Variants in TP53BP2 observed in about 807,000 individuals in gnomAD.
TP53BP2 encodes the protein tumor protein p53 binding protein 2.
TP53BP2 carries 62 observed loss-of-function variants against 126.2 expected under a neutral mutation model. The observed-to-expected ratio is 0.49, with a 90% confidence interval of 0.40 to 0.61. The LOEUF is 0.61. TP53BP2 is among the 20% of genes least tolerant of loss of function. The pLI is 0.00. For synonymous variants in TP53BP2, 485 were observed against 502.9 expected, an observed-to-expected ratio of 0.96 and a Z score of 0.48; for missense variants, 1,215 against 1,402.8, an observed-to-expected ratio of 0.87 and a Z score of 2.14.
intron 2 of TP53BP2, among the ~76,000 whole-genome samples, chr1:223,820,212 G>A (rs1199005716): frequency 1.3e-5 from 2 of 152,194 alleles, no homozygotes; most frequent in African/African-American, 2.4e-5. Context: ...TAGCATATTC[G>A]AGAAATATTT....
chr1:223,835,512 T>A (rs957621037), intron 1 of TP53BP2, among the ~76,000 whole-genome samples: 4 of 152,230 alleles, frequency 2.6e-5, no homozygotes, highest in Non-Finnish European at 5.9e-5. Flanking sequence ...GTAAAGGTAC[T>A]GTTACAGATT....
Position 223,796,033 on chromosome 1 carries a change from G to A in TP53BP2, c.2506C>T (p.Leu836Phe), listed in dbSNP as rs756075899. The change falls in exon 13 of 18, where the codon CTT becomes TTT. Residue 836 changes from leucine (L) to phenylalanine (F), a missense_variant. Physicochemically the swap from Leu to Phe is conservative, Grantham distance 22. This residue lies in a region of TP53BP2 where 204 missense variants were observed against 225.7 expected (regional missense o/e 0.90). Coordinates refer to ENST00000343537, the MANE Select transcript of TP53BP2 (RefSeq NM_001031685.3). This position sits in a 1 kb window ranked among gnomAD's most constrained non-coding sequence, Gnocchi z 4.2. Reference protein sequence around the residue: ...NSDMPAPSPGLDYEPEGVPDN... With the variant: ...NSDMPAPSPGFDYEPEGVPDN... ...GGGACTCCCTCAGGCTCATAATCAA[G>A]GCCTGGAGAAGGAGCTGGCATGTCA... 3.5e-5 allele frequency: 57 copies of A among 1,613,976 alleles called. 1 individual carries two copies. In the South Asian group the frequency reaches 5.6e-4, roughly 16 times the overall value.
intron 15 of TP53BP2, among the ~76,000 whole-genome samples, chr1:223,789,539 C>T (rs1662081839): frequency 6.6e-6 from 1 of 152,184 alleles, no homozygotes; most frequent in East Asian, 1.9e-4. Context: ...AGAGTAGAAG[C>T]CCTAACAGTC....
intron 6 of TP53BP2, 51 bp downstream of exon 6, chr1:223,804,123 A>T: frequency 6.4e-7 from 1 of 1,565,520 alleles, no homozygotes; most frequent in Non-Finnish European, 8.6e-7. Context: ...TGTCTCAAAA[A>T]AACCAGACAA....
intron 13 of TP53BP2, among the ~76,000 whole-genome samples, chr1:223,794,527 C>G (rs931718096): frequency 1.3e-5 from 2 of 152,168 alleles, no homozygotes; most frequent in Non-Finnish European, 2.9e-5. Context: ...AGGAAGAGAA[C>G]AGCAGAATCT....
intron 16 of TP53BP2, among the ~76,000 whole-genome samples, chr1:223,785,205 G>T (rs992764805): frequency 6.6e-6 from 1 of 152,158 alleles, no homozygotes; most frequent in African/African-American, 2.4e-5. Flanking sequence ...GAAAATACTT[G>T]CTAGCTTTTG....
rs1663727672 is a variant in TP53BP2, at chr1:223,831,483, ATATATATATATATATATATAT to A, written c.28-10137_28-10117del. ...GTACCATCTAAAAAAAAAAAAAAAT[ATATATATATATATATATATAT>A]ATATATATATATACTGACCTGTATG... is the stretch of plus-strand genomic sequence containing the variant. On this transcript the variant is annotated intron_variant, in intron 1 of 17. Coordinates refer to ENST00000343537, the MANE Select transcript of TP53BP2 (RefSeq NM_001031685.3). 1.3e-4 allele frequency among the ~76,000 whole-genome samples: 4 copies of A among 31,352 alleles called. No homozygotes were observed. The East Asian group carries it at 4.0e-3, about 31-fold the overall frequency. 20.6% of individuals were successfully genotyped at this position (31,352 alleles called of 152,430 possible).
chr1:223,790,843 TG>T (rs1398699418), intron 15 of TP53BP2, among the ~76,000 whole-genome samples: 1 of 152,088 alleles, frequency 6.6e-6, no homozygotes, highest in Non-Finnish European at 1.5e-5. Context: ...TGGGCTCAAG[TG>T]ATCTTCTGCT....
At chr1:223,791,483 G>C (rs1359165518) in intron 15 of TP53BP2, among the ~76,000 whole-genome samples, 2 of 152,080 alleles carry the variant, frequency 1.3e-5, no homozygotes, top group African/African-American at 2.4e-5. Flanking sequence ...ACAAAAGTTG[G>C]AAAACAATCT....
intron 3 of TP53BP2, among the ~76,000 whole-genome samples, chr1:223,812,339 G>T (rs373393068): frequency 6.6e-6 from 1 of 152,120 alleles, no homozygotes; most frequent in African/African-American, 2.4e-5. Context: ...TAATGGTCAG[G>T]TACCATATAG....
chr1:223,802,385 C>T (rs1662559309), intron 8 of TP53BP2, 41 bp from the exon 9 acceptor site: 1 of 1,557,984 alleles, frequency 6.4e-7, no homozygotes, highest in Non-Finnish European at 8.7e-7. Context: ...TAAAAATCAT[C>T]TCAGGTGATC....
At chr1:223,845,067 T>C (rs1664220158) in intron 1 of TP53BP2, among the ~76,000 whole-genome samples, 1 of 152,204 alleles carries the variant, frequency 6.6e-6, no homozygotes, top group South Asian at 2.1e-4. Flanking sequence ...TCCGGAGGTC[T>C]TGCTAAAAGC....
At chr1:223,845,136 T>A (rs376705745) in intron 1 of TP53BP2, 1 of 577,972 alleles carries the variant, frequency 1.7e-6, no homozygotes, top group South Asian at 7.6e-5. Context: ...ACTTCCGAGA[T>A]TGCATTTACC....
At chr1:223,817,981 C>G (rs999341819) in intron 2 of TP53BP2, among the ~76,000 whole-genome samples, 1 of 150,320 alleles carries the variant, frequency 6.7e-6, no homozygotes, top group Admixed American at 6.6e-5. Context: ...AAGAAAAGAT[C>G]TACAAGCTAT....
rs779298516 is a variant in TP53BP2, at chr1:223,800,787, G to C, written c.1249C>G (p.Pro417Ala). 6.2e-7 allele frequency: 1 copy of C among 1,608,118 alleles called. No individual in the cohort carries two copies. The highest frequency in any genetic ancestry group is 1.7e-5 in the Admixed American group (1 of 58,404). ...TKGSKIHPVG[P>A]DWSPSNADLF... ...TCTGCATTTGAAGGACTCCAATCAG[G>C]GCCAACTGGATGGATTTTAGAGCCT... The change falls in exon 10 of 18, where the codon CCT becomes GCT. Residue 417 changes from proline to alanine, a missense_variant. Physicochemically the swap from Pro to Ala is conservative, Grantham distance 27. Transcript: ENST00000343537.
At chr1:223,787,483 A>C (rs902512134) in intron 16 of TP53BP2, among the ~76,000 whole-genome samples, 1 of 152,152 alleles carries the variant, frequency 6.6e-6, no homozygotes, top group Non-Finnish European at 1.5e-5. Context: ...ATGGTGGCTC[A>C]CACCTGTAAT....
At chr1:223,784,456 T>C (rs1000867075) in intron 16 of TP53BP2, 142 bp from the exon 17 acceptor site, 4 of 733,212 alleles carry the variant, frequency 5.5e-6, no homozygotes, top group Admixed American at 2.5e-5. Flanking sequence ...CAATAAAATG[T>C]CCTGAGGTGG....
chr1:223,822,040 T>C (rs1304832247), intron 1 of TP53BP2, among the ~76,000 whole-genome samples: 1 of 151,908 alleles, frequency 6.6e-6, no homozygotes, highest in African/African-American at 2.4e-5. Context: ...TACAGGCGCA[T>C]GCCATATCAC....
In TP53BP2 at chr1:223,845,696, G is replaced by A. The variant is rs906378759; in HGVS notation, c.-16C>T. 4.5e-6 allele frequency: 7 copies of A among 1,541,732 alleles called. No homozygotes were observed. The African/African-American group carries it at 1.0e-4, about 22-fold the overall frequency. On this transcript the variant is annotated 5_prime_UTR_variant, in exon 1 of 18. Transcript: ENST00000343537. ...CGAACCGCATGGAAGCGGGTGGCCA[G>A]ACTGCGGCCCCGGCCGAGCTGAGGT...
Sources: gnomAD v4.1 joint callset for allele counts (sites outside exome capture counted in the v4.1 genomes callset) on GRCh38, gnomAD v4.1.1 for gene constraint, gnomAD v4.1.1 regional missense constraint, Gnocchi (gnomAD v3.1) non-coding constraint, MANE v1.5 for transcripts, NCBI Gene and HGNC (gene_info 2026-07-23, HGNC 2026-07-21) for gene names.